PTPRZ1: variants seen among roughly 807,000 people sequenced by gnomAD.
PTPRZ1 encodes protein tyrosine phosphatase receptor type Z1.
In PTPRZ1, 82 loss-of-function variants were observed where a neutral mutation model predicts 214.1. That is an observed-to-expected ratio of 0.38 (90% confidence interval 0.32 to 0.46). PTPRZ1 has a LOEUF of 0.46. Among genes scored for constraint, PTPRZ1 ranks in the 20% least tolerant of loss-of-function variants. PTPRZ1 has a pLI of 1.00. For synonymous variants in PTPRZ1, 945 were observed against 987.9 expected (o/e 0.96, Z 0.81); for missense variants, 2,603 against 2,748.7 (o/e 0.95, Z 1.19).
intron 2 of PTPRZ1, among the ~76,000 whole-genome samples, chr7:121,930,051 G>T (rs1795878401): frequency 1.3e-5 from 2 of 151,748 alleles, no homozygotes; most frequent in Admixed American, 1.3e-4. Flanking sequence ...CTGAAGTCAT[G>T]ATTTTAATTT....
At chr7:122,016,595 A>G (rs1232182039) in intron 12 of PTPRZ1, among the ~76,000 whole-genome samples, 4 of 151,990 alleles carry the variant, frequency 2.6e-5, no homozygotes, top group Admixed American at 6.6e-5. Flanking sequence ...AGAAAAGTTT[A>G]TACACAAGAC....
chr7:121,912,082 G>A (rs1400903004), intron 1 of PTPRZ1, among the ~76,000 whole-genome samples: 1 of 152,152 alleles, frequency 6.6e-6, no homozygotes, highest in Admixed American at 6.5e-5. Flanking sequence ...AGGGACTAAT[G>A]TGTAGTTGAA....
chr7:122,057,979 C>CATAT (rs889083888), intron 27 of PTPRZ1, among the ~76,000 whole-genome samples: 1 of 146,936 alleles, frequency 6.8e-6, no homozygotes, highest in African/African-American at 2.5e-5. Context: ...TATATATATA[C>CATAT]ATATATATAT....
At chr7:121,952,431 T>A (rs1414534812) in intron 2 of PTPRZ1, among the ~76,000 whole-genome samples, 3 of 151,912 alleles carry the variant, frequency 2.0e-5, no homozygotes, top group Admixed American at 6.6e-5. Context: ...AAAAGAATTT[T>A]AAAAATTAGC....
intron 10 of PTPRZ1, among the ~76,000 whole-genome samples, chr7:122,000,867 G>T (rs1321475346): frequency 6.6e-6 from 1 of 151,092 alleles, no homozygotes; most frequent in African/African-American, 2.4e-5. Flanking sequence ...TGTATTTTTA[G>T]TAGAGACGGG....
chr7:121,963,549 A>G (rs1034823184), intron 2 of PTPRZ1, among the ~76,000 whole-genome samples: 1 of 152,208 alleles, frequency 6.6e-6, no homozygotes, highest in Non-Finnish European at 1.5e-5. Flanking sequence ...GCACATGTGC[A>G]GTAACTGTAC....
At chr7:122,028,104 T>C (rs1343657391) in intron 13 of PTPRZ1, 4 of 157,924 alleles carry the variant, frequency 2.5e-5, no homozygotes, top group Non-Finnish European at 5.6e-5. Context: ...CTAGCAGCTG[T>C]ATATGCTAAG....
Position 122,000,942 on chromosome 7 carries a change from C to T in PTPRZ1, c.1240+2936C>T, listed in dbSNP as rs369050085. 1.6e-4 allele frequency among the ~76,000 whole-genome samples: 24 copies of T among 151,870 alleles called. No homozygotes were observed. In the East Asian group the frequency reaches 4.1e-3, roughly 26 times the overall value. On this transcript the variant is annotated intron_variant, in intron 10 of 29. Coordinates refer to ENST00000393386, the MANE Select transcript of PTPRZ1 (RefSeq NM_002851.3). ...CTCGTGATCCACCCACCTCAGCCTC[C>T]CAAAGTGCTGGGATCACAGGCGTGA... is the stretch of plus-strand genomic sequence containing the variant.
intron 1 of PTPRZ1, among the ~76,000 whole-genome samples, chr7:121,893,173 T>C (rs1794690218): frequency 6.6e-6 from 1 of 152,182 alleles, no homozygotes; most frequent in South Asian, 2.1e-4. Flanking sequence ...ATCTAAAATA[T>C]ACTGAAACTT....
At chr7:121,883,190 T>C (rs1190485618) in intron 1 of PTPRZ1, among the ~76,000 whole-genome samples, 1 of 152,196 alleles carries the variant, frequency 6.6e-6, no homozygotes, top group African/African-American at 2.4e-5. Context: ...TCTGAACAGA[T>C]TAACTCAGTG....
At chr7:122,047,041 G>T (rs868363907) in intron 23 of PTPRZ1, among the ~76,000 whole-genome samples, 20 of 152,174 alleles carry the variant, frequency 1.3e-4, no homozygotes, top group African/African-American at 4.8e-4. Flanking sequence ...CGGGACAGCG[G>T]AATATACTAG....
chr7:121,884,875 C>T (rs1794352270), intron 1 of PTPRZ1, among the ~76,000 whole-genome samples: 1 of 152,206 alleles, frequency 6.6e-6, no homozygotes, highest in Non-Finnish European at 1.5e-5. Flanking sequence ...AAAAAAGTCT[C>T]TGAGCATGTG....
At chr7:122,002,350 A>G (rs1343182046) in intron 10 of PTPRZ1, among the ~76,000 whole-genome samples, 1 of 152,184 alleles carries the variant, frequency 6.6e-6, no homozygotes, top group African/African-American at 2.4e-5. Context: ...CTCACCCATG[A>G]GAGTGCCAAG....
chr7:122,025,915 C>T (rs1443727426), intron 13 of PTPRZ1, among the ~76,000 whole-genome samples: 1 of 152,148 alleles, frequency 6.6e-6, no homozygotes, highest in Non-Finnish European at 1.5e-5. Flanking sequence ...AGAGTATAAA[C>T]TTCAATAAGA....
Position 121,915,390 on chromosome 7 carries a change from A to G in PTPRZ1, c.59-12766A>G, listed in dbSNP as rs557871488. 7.9e-5 allele frequency among the ~76,000 whole-genome samples: 12 copies of G among 152,316 alleles called. 1 individual carries two copies. In the Middle Eastern group the frequency reaches 0.01, roughly 130 times the overall value. On this transcript the variant is annotated intron_variant, in intron 1 of 29. Transcript: ENST00000393386. ...TGGGAATTTTATCCTCACAAGAAAC[A>G]TTCATTTCATTTAAATAGTATGTGA...
chr7:121,971,833 A>C (rs1236835883), intron 3 of PTPRZ1, among the ~76,000 whole-genome samples: 1 of 152,174 alleles, frequency 6.6e-6, no homozygotes, highest in Non-Finnish European at 1.5e-5. Flanking sequence ...TGGAACAGAG[A>C]CTATTTAAAC....
chr7:122,010,039 A>G (rs1798599320), intron 11 of PTPRZ1, among the ~76,000 whole-genome samples: 2 of 152,214 alleles, frequency 1.3e-5, no homozygotes, highest in South Asian at 2.1e-4. Context: ...CTGTCAATAA[A>G]TAACTACAGT....
At position 122,012,994 on chromosome 7, in the gene PTPRZ1, T is replaced by C. The variant is rs759774800; in HGVS notation, c.3948T>C (p.Val1316=). 21 of 1,614,030 alleles carry C rather than the reference T, an allele frequency of 1.3e-5. No homozygotes were observed. The South Asian group carries it at 2.2e-4, about 17-fold the overall frequency. ...PKGRHVFATP[V]LSIDEPLNTL... ...GAAGGCATGTATTTGCTACACCTGTTTTATCAATTGATGAACCATTAAATA... is the reference window on the plus strand; with the variant it reads ...GAAGGCATGTATTTGCTACACCTGTCTTATCAATTGATGAACCATTAAATA... The change falls in exon 12 of 30, where the codon GTT becomes GTC. Residue 1316 remains valine, a synonymous_variant. Transcript: ENST00000393386.
Position 122,010,392 on chromosome 7 carries a change from G to T in PTPRZ1, c.1346G>T (p.Ser449Ile). The T allele has an allele frequency of 1.2e-6, 2 of 1,614,034 alleles. No homozygotes were observed. The highest frequency in any genetic ancestry group is 1.7e-6 in the Non-Finnish European group (2 of 1,179,942). ...EGAIVNPGRD[S>I]ATNQIRKKEP... is the part of the protein sequence containing the mutation. ...GCTATTGTGAATCCTGGTAGAGACA[G>T]TGCTACAAACCAAATCAGGAAAAAG... Residue 449 changes from serine to isoleucine, a missense_variant, in exon 12 of 30, where the codon AGT becomes ATT. Transcript: ENST00000393386.
Sources: gnomAD v4.1 joint callset for allele counts (sites outside exome capture counted in the v4.1 genomes callset) on GRCh38, gnomAD v4.1.1 for gene constraint, MANE v1.5 for transcripts, NCBI Gene and HGNC (gene_info 2026-07-23, HGNC 2026-07-21) for gene names.